Variants in RXFP1 observed in about 807,000 individuals in gnomAD.
RXFP1 encodes the protein relaxin receptor 1.
RXFP1 carries 73 observed loss-of-function variants against 89.8 expected under a neutral mutation model. That is an observed-to-expected ratio of 0.81 (90% confidence interval 0.67 to 0.99). The LOEUF (loss-of-function observed/expected upper bound fraction) is 0.99, where lower values mean the gene tolerates loss of function less well. Ranked by LOEUF, RXFP1 falls within the 50% of genes least tolerant of loss-of-function variation. The probability of loss-of-function intolerance (pLI) is 0.00; values close to 1 mark genes in which losing one functional copy is unlikely to be tolerated. For missense variants in RXFP1, 793 were observed against 895.5 expected, an observed-to-expected ratio of 0.89 and a Z score of 1.46; for synonymous variants, 277 against 305.5, an observed-to-expected ratio of 0.91 and a Z score of 0.97.
At chr4:158,534,550 T>C (rs1744838312) in intron 1 of RXFP1, among the ~76,000 whole-genome samples, 1 of 152,156 alleles carries the variant, frequency 6.6e-6, no homozygotes, top group Admixed American at 6.5e-5. Context: ...CCCGGCCTTA[T>C]TCTGATTATT....
intron 1 of RXFP1, among the ~76,000 whole-genome samples, chr4:158,528,887 A>G (rs367717337): frequency 2.0e-5 from 3 of 152,338 alleles, no homozygotes; most frequent in African/African-American, 7.2e-5. Context: ...CACCGCTCCT[A>G]TAACCTCTTC....
At chr4:158,583,179 T>C (rs1021954261) in intron 2 of RXFP1, among the ~76,000 whole-genome samples, 6 of 152,182 alleles carry the variant, frequency 3.9e-5, no homozygotes, top group Non-Finnish European at 8.8e-5. Context: ...TATTTATGGG[T>C]GTGATGGTGA....
At chr4:158,580,625 G>A (rs375458951) in intron 2 of RXFP1, among the ~76,000 whole-genome samples, 1 of 152,092 alleles carries the variant, frequency 6.6e-6, no homozygotes, top group East Asian at 1.9e-4. Flanking sequence ...CCCACGTAAA[G>A]TTTTCTATTT....
At chr4:158,585,933 C>T (rs555332836) in intron 2 of RXFP1, among the ~76,000 whole-genome samples, 1 of 152,332 alleles carries the variant, frequency 6.6e-6, no homozygotes, top group East Asian at 1.9e-4. Context: ...AAAAGCAATA[C>T]ACTCCGAGTC....
intron 2 of RXFP1, among the ~76,000 whole-genome samples, chr4:158,582,362 A>T (rs1343215123): frequency 6.6e-6 from 1 of 151,942 alleles, no homozygotes; most frequent in African/African-American, 2.4e-5. Flanking sequence ...ATTGCAGTTG[A>T]GCTCAGCAGT....
chr4:158,590,220 C>T (rs1332999320), intron 2 of RXFP1, among the ~76,000 whole-genome samples: 1 of 152,158 alleles, frequency 6.6e-6, no homozygotes, highest in Admixed American at 6.5e-5. Flanking sequence ...GGCTGGAGTG[C>T]AGTGTGCAAT....
At chr4:158,535,045 C>T (rs957286496) in intron 1 of RXFP1, among the ~76,000 whole-genome samples, 21 of 151,188 alleles carry the variant, frequency 1.4e-4, no homozygotes, top group Non-Finnish European at 2.8e-4. Context: ...AATTCCTATT[C>T]CCATTAACAG....
At chr4:158,613,250 T>C (rs1353075106) in intron 8 of RXFP1, among the ~76,000 whole-genome samples, 22 of 152,186 alleles carry the variant, frequency 1.4e-4, no homozygotes, top group Non-Finnish European at 1.3e-4. Context: ...ACCACAGTAG[T>C]GGTTGCTGAA....
rs528110643 is a variant in RXFP1 at position 158,639,591 on chromosome 4, C to T, written c.1115+260C>T. Among the ~76,000 whole-genome samples the T allele has an allele frequency of 4.7e-4, 71 of 152,252 alleles. 1 individual carries two copies. The Middle Eastern group carries it at 0.034, about 73-fold the overall frequency. Reference sequence around the variant, plus strand: ...GTGCCCTTAGAAAACAGACTCTGGTCCAGGCCAGTGGCTCATGCCTGTAAT... The same window carrying T: ...GTGCCCTTAGAAAACAGACTCTGGTTCAGGCCAGTGGCTCATGCCTGTAAT... On this transcript the variant is annotated intron_variant, in intron 14 of 17. Coordinates refer to ENST00000307765, the MANE Select transcript of RXFP1 (RefSeq NM_021634.4).
At position 158,624,057 on chromosome 4, in the gene RXFP1, G is replaced by A. The variant is rs73860548; in HGVS notation, c.756-2763G>A. Among the ~76,000 whole-genome samples, 513 of 152,060 alleles carry A rather than the reference G, an allele frequency of 3.4e-3. 1 individual carries two copies. The highest frequency in any genetic ancestry group is 0.012 in the African/African-American group (490 of 41,484). ...ATAGATGGGTCTCTGTTATATGTAC[G>A]TGCACCTAATCCTAATAGATATGAA... On this transcript the variant is annotated intron_variant, in intron 9 of 17. Transcript: ENST00000307765.
intron 1 of RXFP1, among the ~76,000 whole-genome samples, chr4:158,545,787 C>T (rs1748182804): frequency 6.6e-6 from 1 of 152,126 alleles, no homozygotes; most frequent in Non-Finnish European, 1.5e-5. Context: ...TCTGAGGGCT[C>T]TGTTCTGTTC....
At chr4:158,612,604 A>G (rs1405835065) in intron 8 of RXFP1, among the ~76,000 whole-genome samples, 2 of 151,476 alleles carry the variant, frequency 1.3e-5, no homozygotes, top group African/African-American at 4.8e-5. Context: ...ATATTTTATC[A>G]CAATATTCTT....
intron 15 of RXFP1, chr4:158,646,485 C>T (rs914514748): frequency 9.6e-6 from 12 of 1,249,630 alleles, no homozygotes; most frequent in South Asian, 1.5e-5. Context: ...TTCATTTATT[C>T]GACACTTCTA....
chr4:158,530,411 T>C (rs1743732432), intron 1 of RXFP1, among the ~76,000 whole-genome samples: 1 of 152,236 alleles, frequency 6.6e-6, no homozygotes, highest in Non-Finnish European at 1.5e-5. Flanking sequence ...CACCCTCTGT[T>C]GCTCACCCTA....
In RXFP1 at chr4:158,652,008, G is replaced by T. The variant is rs1561217597; in HGVS notation, c.2227G>T (p.Glu743Ter). ...MKPDLFTYPC[E>*]MSLISQSTRL... ...GCCGGACCTTTTCACATACCCCTGTGAAATGTCACTGATTTCTCAATCAAC... is the reference window on the plus strand; with the variant it reads ...GCCGGACCTTTTCACATACCCCTGTTAAATGTCACTGATTTCTCAATCAAC... Residue 743 changes from glutamate to a stop codon, truncating the protein, a stop_gained, in exon 18 of 18, where the codon GAA (glutamate) becomes TAA (stop). Transcript: ENST00000307765. LOFTEE classifies it high-confidence loss of function. The T allele has an allele frequency of 1.2e-6, 2 of 1,613,678 alleles. No individual in the cohort carries two copies. The highest frequency in any genetic ancestry group is 2.2e-5 in the South Asian group (2 of 90,982).
At chr4:158,629,791 A>AT (rs891584521) in intron 11 of RXFP1, among the ~76,000 whole-genome samples, 3 of 150,750 alleles carry the variant, frequency 2.0e-5, no homozygotes, top group African/African-American at 2.4e-5. Context: ...TGCCCAGCCA[A>AT]TTTTTTTTTA....
intron 2 of RXFP1, among the ~76,000 whole-genome samples, chr4:158,590,888 C>T (rs896268638): frequency 5.9e-5 from 9 of 152,124 alleles, no homozygotes; most frequent in Non-Finnish European, 8.8e-5. Context: ...TTAAAGGCTG[C>T]GGAAGGAGTC....
rs1772863929 is a variant in RXFP1, at chr4:158,652,111, A to G, written c.*56A>G. ...ATACTGTGGGGGTGCTTCATGAGGG[A>G]TTTACTGGTATGAAATGAATACCAC... On this transcript the variant is annotated 3_prime_UTR_variant, in exon 18 of 18. Transcript: ENST00000307765. The G allele has an allele frequency of 1.4e-6, 2 of 1,405,354 alleles. No homozygotes were observed. The highest frequency in any genetic ancestry group is 2.2e-5 in the Admixed American group (1 of 45,016). 87.1% of individuals were successfully genotyped at this position (1,405,354 alleles called of 1,614,324 possible). A position where few individuals can be genotyped will look rare whatever the true frequency, so the allele number is the denominator to read the frequency against.
intron 9 of RXFP1, among the ~76,000 whole-genome samples, chr4:158,618,555 A>T (rs1001724461): frequency 1.3e-5 from 2 of 152,082 alleles, no homozygotes; most frequent in African/African-American, 4.8e-5. Context: ...TCCTGATTTT[A>T]ATTCTAGTAA....
Sources: allele counts gnomAD v4.1 joint callset (sites outside exome capture counted in the v4.1 genomes callset), GRCh38; gene constraint gnomAD v4.1.1; transcripts MANE v1.5; gene names NCBI Gene and HGNC (gene_info 2026-07-23, HGNC 2026-07-21).